PANK4: variants seen among roughly 807,000 people sequenced by gnomAD.
PANK4 encodes 4'-phosphopantetheine phosphatase.
A neutral mutation model predicts 87.9 loss-of-function variants in PANK4; 40 were observed. That is an observed-to-expected ratio of 0.46 (90% CI 0.35 to 0.59). PANK4 has a LOEUF of 0.59. PANK4 is among the 20% of genes least tolerant of loss of function. The pLI is 0.00. For synonymous variants in PANK4, 524 were observed against 467.4 expected (o/e 1.12, Z -1.56); for missense variants, 926 against 1,072.3 (o/e 0.86, Z 1.90).
At chr1:2,512,763 GAGCCACCA>G (rs1362702916) in intron 13 of PANK4, 117 bp downstream of exon 13, 11 of 945,920 alleles carry the variant, frequency 1.2e-5, no homozygotes, top group Middle Eastern at 3.4e-4. Flanking sequence ...CCAAAGCCCT[GAGCCACCA>G]AGCCACCAAG....
At chr1:2,517,005 T>A (rs1021161846) in intron 9 of PANK4, among the ~76,000 whole-genome samples, 1 of 152,248 alleles carries the variant, frequency 6.6e-6, no homozygotes, top group Non-Finnish European at 1.5e-5. Flanking sequence ...AAGCGCCTCC[T>A]GAACGGGGCC....
At chr1:2,514,733 GGGCTGTGGTCAGGGCAGTTTCTACT>G in intron 10 of PANK4, among the ~76,000 whole-genome samples, 1 of 151,814 alleles carries the variant, frequency 6.6e-6, no homozygotes, top group East Asian at 1.9e-4. Context: ...GGGGCTGCCT[GGGCTGTGGTCAGGGCAGTTTCTACT>G]GGAACAGGAA....
At chr1:2,524,663 C>G (rs1643905089) in intron 1 of PANK4, among the ~76,000 whole-genome samples, 1 of 152,220 alleles carries the variant, frequency 6.6e-6, no homozygotes, top group African/African-American at 2.4e-5. Context: ...CTTCACTGGC[C>G]TCTCGGGGCC....
intron 9 of PANK4, among the ~76,000 whole-genome samples, chr1:2,516,784 A>G (rs1199295291): frequency 6.6e-6 from 1 of 152,232 alleles, no homozygotes; most frequent in Non-Finnish European, 1.5e-5. Context: ...ACTACCACGG[A>G]CCACAGCCGG....
rs893515338 is a variant in PANK4 at position 2,515,083 on chromosome 1, C to T, written c.1374+479G>A. Among the ~76,000 whole-genome samples, 1 of 152,152 alleles carries T rather than the reference C, an allele frequency of 6.6e-6. No individual in the cohort carries two copies. Among genetic ancestry groups the T allele is most frequent in the Non-Finnish European group, 1.5e-5 (1 of 68,026 alleles). On this transcript the variant is annotated intron_variant, in intron 10 of 18. Transcript: ENST00000378466. The surrounding 1 kb of genome is among the most constrained non-coding windows in gnomAD (Gnocchi z 5.0). ...CGGGGCTCCCTGGCCCCGAGCTGAG[C>T]TCCTGAGGGGCAGCGTGGCCCAGGG... is the stretch of plus-strand genomic sequence containing the variant.
At position 2,519,706 on chromosome 1, in the gene PANK4, G is replaced by GT; in HGVS notation, c.853+94dup. On this transcript the variant is annotated intron_variant, in intron 6 of 18. Transcript: ENST00000378466. This position sits in a 1 kb window ranked among gnomAD's most constrained non-coding sequence, Gnocchi z 8.3. The stretch of plus-strand genomic sequence containing the variant: ...CAAGACCCCGACTCTCCAGGGAGCA[G>GT]TTGTGGGAAAGCAATGGTGGGGGAA... 1 of 1,306,056 alleles carries GT rather than the reference G, an allele frequency of 7.7e-7. No individual in the cohort carries two copies. Among genetic ancestry groups the GT allele is most frequent in the Non-Finnish European group, 1.0e-6 (1 of 967,428 alleles). 80.9% of individuals were successfully genotyped at this position (1,306,056 alleles called of 1,614,324 possible).
rs1411273430 is a variant in PANK4 at position 2,519,946 on chromosome 1, G to C, written c.708C>G (p.Asp236Glu). 1 of 1,558,008 alleles carries C rather than the reference G, an allele frequency of 6.4e-7. No homozygotes were observed. Among genetic ancestry groups the C allele is most frequent in the Admixed American group, 1.9e-5 (1 of 52,328 alleles). ...GALLTKTKKF[D>E]ELLHLASRGQ... ...CCCTCGAGGCCAGGTGCAGGAGCTC[G>C]TCAAACTTCTGCAGGACACGGCGAG... Residue 236 changes from aspartate (D) to glutamate (E), a missense_variant, in exon 6 of 19, where the codon GAC (aspartate) becomes GAG (glutamate). Coordinates refer to ENST00000378466, the MANE Select transcript of PANK4 (RefSeq NM_018216.4). The surrounding 1 kb of genome is among the most constrained non-coding windows in gnomAD (Gnocchi z 8.3).
chr1:2,509,194 C>A lies in PANK4; in HGVS notation c.2109-134G>T. The A allele has an allele frequency of 1.5e-6, 1 of 679,964 alleles. No individual in the cohort carries two copies. The highest frequency in any genetic ancestry group is 1.9e-5 in the South Asian group (1 of 53,754). 42.1% of individuals were successfully genotyped at this position (679,964 alleles called of 1,614,324 possible). A position where few individuals can be genotyped will look rare whatever the true frequency, so the allele number is the denominator to read the frequency against. On this transcript the variant is annotated intron_variant, in intron 18 of 18. Coordinates refer to ENST00000378466, the MANE Select transcript of PANK4 (RefSeq NM_018216.4). This position sits in a 1 kb window ranked among gnomAD's most constrained non-coding sequence, Gnocchi z 4.9. The stretch of plus-strand genomic sequence containing the variant: ...TGATGTGGAGGCCTCCAAACCCAGC[C>A]TCCGCCTGGTAGCTGCCTCAGCCTG...
intron 3 of PANK4, 39 bp downstream of exon 3, chr1:2,521,062 G>C: frequency 1.3e-6 from 2 of 1,572,444 alleles, no homozygotes; most frequent in Non-Finnish European, 1.7e-6. Context: ...CTCGGGGGCA[G>C]ACACATGTTC....
In PANK4 at chr1:2,510,901, A is replaced by C; in HGVS notation, c.1834-119T>G. Reference sequence around the variant, plus strand: ...CCGAGACTGGGGGCTTCAGGGCCCCAGAGATGCCAGGGATGGGCTGTCCTG... The same window carrying C: ...CCGAGACTGGGGGCTTCAGGGCCCCCGAGATGCCAGGGATGGGCTGTCCTG... On this transcript the variant is annotated intron_variant, in intron 15 of 18. Coordinates refer to ENST00000378466, the MANE Select transcript of PANK4 (RefSeq NM_018216.4). The surrounding 1 kb of genome is among the most constrained non-coding windows in gnomAD (Gnocchi z 4.9). 2 of 669,740 alleles carry C rather than the reference A, an allele frequency of 3.0e-6. No individual in the cohort carries two copies. The highest frequency in any genetic ancestry group is 1.7e-5 in the South Asian group (1 of 59,584). 41.5% of individuals were successfully genotyped at this position (669,740 alleles called of 1,614,324 possible). A position where few individuals can be genotyped will look rare whatever the true frequency, so the allele number is the denominator to read the frequency against.
intron 15 of PANK4, among the ~76,000 whole-genome samples, chr1:2,511,028 G>A (rs761809678): frequency 7.9e-5 from 12 of 151,952 alleles, no homozygotes; most frequent in East Asian, 1.9e-4. Flanking sequence ...GCACCGGGAC[G>A]GGCCAGCCTG....
intron 12 of PANK4, 95 bp downstream of exon 12, chr1:2,513,907 C>G (rs542151089): frequency 2.2e-6 from 2 of 917,852 alleles, no homozygotes; most frequent in Non-Finnish European, 3.7e-6. Context: ...TCAGACAGGA[C>G]AGGATGCCCC....
Position 2,510,136 on chromosome 1 carries a change from C to T in PANK4, c.1960G>A (p.Gly654Ser). The part of the protein sequence containing the change: ...GTEVILACNS[G>S]PALNDVTHSE... ...TGGGTCACGTCGTTCAGGGCGGGGC[C>T]TGAGTTGCACGCCAGGATGACCTGC... The change falls in exon 17 of 19, where the codon GGC (glycine) becomes AGC (serine). Residue 654 changes from glycine to serine, a missense_variant. Transcript: ENST00000378466. The surrounding 1 kb of genome is among the most constrained non-coding windows in gnomAD (Gnocchi z 4.9). 1 of 1,607,328 alleles carries T rather than the reference C, an allele frequency of 6.2e-7. No homozygotes were observed.
At position 2,515,549 on chromosome 1, in the gene PANK4, C is replaced by A. The variant is rs754986726; in HGVS notation, c.1374+13G>T. Reference sequence around the variant, plus strand: ...GGCCTTGGAATCGTCTAGACGGCACCCGGAGCCCTCACCCCGTCCAGGGCC... The same window carrying A: ...GGCCTTGGAATCGTCTAGACGGCACACGGAGCCCTCACCCCGTCCAGGGCC... On this transcript the variant is annotated intron_variant, in intron 10 of 18. Coordinates refer to ENST00000378466, the MANE Select transcript of PANK4 (RefSeq NM_018216.4). This position sits in a 1 kb window ranked among gnomAD's most constrained non-coding sequence, Gnocchi z 5.0. The A allele has an allele frequency of 1.9e-5, 30 of 1,611,846 alleles. No homozygotes were observed. The highest frequency in any genetic ancestry group is 2.5e-5 in the Non-Finnish European group (30 of 1,179,548).
intron 1 of PANK4, 79 bp from the exon 2 acceptor site, chr1:2,521,879 G>T (rs1483865113): frequency 9.1e-7 from 1 of 1,095,028 alleles, no homozygotes; most frequent in Non-Finnish European, 1.4e-6. Context: ...CACACTCTCT[G>T]GGTGTCCTGG....
Position 2,508,919 on chromosome 1 carries a change from G to A in PANK4, c.2250C>T (p.Asn750=), listed in dbSNP as rs761427597. The A allele has an allele frequency of 1.3e-5, 21 of 1,610,570 alleles. No homozygotes were observed. Among genetic ancestry groups the A allele is most frequent in the East Asian group, 8.9e-5 (4 of 44,780 alleles). ...CESLKLAVIK[N]AWLAERLGGR... is the part of the protein sequence containing the mutation. ...CGCCCAGCCGCTCGGCCAGCCACGCGTTCTTGATGACGGCCAGCTTGAGGC... is the reference window on the plus strand; with the variant it reads ...CGCCCAGCCGCTCGGCCAGCCACGCATTCTTGATGACGGCCAGCTTGAGGC... The change falls in exon 19 of 19, where the codon AAC becomes AAT. Residue 750 remains asparagine (N), a synonymous_variant. Transcript: ENST00000378466. This position sits in a 1 kb window ranked among gnomAD's most constrained non-coding sequence, Gnocchi z 5.1.
At position 2,514,436 on chromosome 1, in the gene PANK4, C is replaced by G. The variant is rs749072860; in HGVS notation, c.1405G>C (p.Asp469His). 6.2e-7 allele frequency: 1 copy of G among 1,611,732 alleles called. No individual in the cohort carries two copies. Among genetic ancestry groups the G allele is most frequent in the Non-Finnish European group, 8.5e-7 (1 of 1,179,886 alleles). The change falls in exon 11 of 19, where the codon GAC (aspartate) becomes CAC (histidine). Residue 469 changes from aspartate to histidine, a missense_variant. Transcript: ENST00000378466. ...GCCCTCTCGGCTGCATCCACAGAGT[C>G]TGGCTGGCTCGCCACTGCGCGCTTC... Reference protein sequence around the residue: ...VVKRAVASQPDSVDAAERAEK... With the variant: ...VVKRAVASQPHSVDAAERAEK...
chr1:2,525,114 T>C (rs1314202273), intron 1 of PANK4, among the ~76,000 whole-genome samples: 1 of 152,040 alleles, frequency 6.6e-6, no homozygotes, highest in Non-Finnish European at 1.5e-5. Flanking sequence ...CCCACTTCCC[T>C]AGAGGACACC....
At position 2,512,820 on chromosome 1, in the gene PANK4, C is replaced by T. The variant is rs1643685562; in HGVS notation, c.1727+68G>A. ...CCAAGGGACCCGCTCCACCTCCTTG[C>T]CCGCAAGCCTGGGGCAGGACAGGCA... On this transcript the variant is annotated intron_variant, in intron 13 of 18. Transcript: ENST00000378466. The T allele has an allele frequency of 5.9e-6, 9 of 1,533,812 alleles. No homozygotes were observed. The South Asian group carries it at 9.0e-5, about 15-fold the overall frequency.
Sources: gnomAD v4.1 joint callset for allele counts (sites outside exome capture counted in the v4.1 genomes callset) on GRCh38, gnomAD v4.1.1 for gene constraint, Gnocchi (gnomAD v3.1) non-coding constraint, MANE v1.5 for transcripts, NCBI Gene and HGNC (gene_info 2026-07-23, HGNC 2026-07-21) for gene names.